The following SNX31 variants were observed in gnomAD, a reference collection of about 807,000 sequenced individuals.
SNX31 encodes sorting nexin-31.
SNX31 carries 58 observed loss-of-function variants against 65.4 expected under a neutral mutation model. The observed-to-expected ratio is 0.89, with a 90% CI of 0.72 to 1.10. SNX31 has a LOEUF of 1.10. Ranked by LOEUF, SNX31 falls within the 50% of genes least tolerant of loss-of-function variation. SNX31 has a pLI of 0.00. For synonymous variants in SNX31, 181 were observed against 190.1 expected, an observed-to-expected ratio of 0.95 and a Z score of 0.39; for missense variants, 523 against 529.7, an observed-to-expected ratio of 0.99 and a Z score of 0.12.
intron 2 of SNX31, among the ~76,000 whole-genome samples, chr8:100,647,056 C>T (rs951144523): frequency 6.6e-6 from 1 of 152,100 alleles, no homozygotes; most frequent in Non-Finnish European, 1.5e-5. Context: ...GTGTTTGGTA[C>T]CAAACTCAGC....
In SNX31 at chr8:100,614,045, T is replaced by A. The variant is rs755285504; in HGVS notation, c.433-960A>T. On this transcript the variant is annotated intron_variant, in intron 5 of 13. Transcript: ENST00000311812. The surrounding 1 kb of genome is among the most constrained non-coding windows in gnomAD (Gnocchi z 5.1). ...GGGGCCTTCTCTTGTCAGAGATACA[T>A]AAATTACCCCCAGGAAGCAGTCTGA... Among the ~76,000 whole-genome samples the A allele has an allele frequency of 1.3e-5, 2 of 152,162 alleles. No individual in the cohort carries two copies. The highest frequency in any genetic ancestry group is 1.5e-5 in the Non-Finnish European group (1 of 68,028).
intron 5 of SNX31, among the ~76,000 whole-genome samples, chr8:100,615,131 C>CCTCCAGT (rs1463900970): frequency 2.0e-5 from 3 of 152,198 alleles, no homozygotes; most frequent in African/African-American, 4.8e-5. Flanking sequence ...TAGGGTAGAA[C>CCTCCAGT]CTCCAGTTAA....
intron 5 of SNX31, among the ~76,000 whole-genome samples, chr8:100,617,052 G>A (rs2131076065): frequency 6.6e-6 from 1 of 152,268 alleles, no homozygotes; most frequent in East Asian, 1.9e-4. Flanking sequence ...AAAGGGGTCT[G>A]GGAGGCAGAG....
chr8:100,618,054 C>A, intron 4 of SNX31: 1 of 984,990 alleles, frequency 1.0e-6, no homozygotes, highest in Non-Finnish European at 1.2e-6. Context: ...GCCTGAGCCA[C>A]CACGCCCGGC....
At chr8:100,650,065 C>A (rs1014585557), upstream of SNX31, among the ~76,000 whole-genome samples, 7 of 47,574 alleles carry the variant, frequency 1.5e-4, no homozygotes, top group Admixed American at 5.2e-4. Context: ...TACCAGAAGC[C>A]CCCCCCAAAT....
intron 1 of SNX31, among the ~76,000 whole-genome samples, chr8:100,657,243 G>A (rs1398723059): frequency 4.6e-5 from 7 of 151,796 alleles, no homozygotes; most frequent in African/African-American, 1.5e-4. Flanking sequence ...ACCTGAGGTC[G>A]GGAGTTCAAG....
Position 100,636,000 on chromosome 8 carries a change from G to C in SNX31, c.153C>G (p.Val51=), listed in dbSNP as rs768544268. 2 of 1,613,830 alleles carry C rather than the reference G, an allele frequency of 1.2e-6. No individual in the cohort carries two copies. The highest frequency in any genetic ancestry group is 2.2e-5 in the East Asian group (1 of 44,884). Residue 51 remains valine (V), a synonymous_variant, in exon 3 of 14, where the codon GTC becomes GTG. Transcript: ENST00000311812. Reference sequence around the variant, plus strand: ...GGAAGGGTGGCAGGCAATTTCCAAAGACCCGCCTTAGCTGAAAGATCCAGG... The same window carrying C: ...GGAAGGGTGGCAGGCAATTTCCAAACACCCGCCTTAGCTGAAAGATCCAGG... ...LHGWNEQLRR[V]FGNCLPPFPP...
At chr8:100,650,852 T>TG (rs1819946507), upstream of SNX31, among the ~76,000 whole-genome samples, 2 of 146,656 alleles carry the variant, frequency 1.4e-5, no homozygotes, top group South Asian at 2.2e-4. Context: ...GTTTTTTTGT[T>TG]TTTTTTTTTT....
Position 100,574,332 on chromosome 8 carries a change from C to G in SNX31, c.1228-372G>C, listed in dbSNP as rs1812854805. 1.3e-5 allele frequency among the ~76,000 whole-genome samples: 2 copies of G among 152,272 alleles called. 1 individual carries two copies. Among genetic ancestry groups the G allele is most frequent in the South Asian group, 4.1e-4 (2 of 4,824 alleles). Reference sequence around the variant, plus strand: ...AGTGCACATTCCACACAAATACAAACTTTAAAAAAGAGGCTGGGCGGCCAG... The same window carrying G: ...AGTGCACATTCCACACAAATACAAAGTTTAAAAAAGAGGCTGGGCGGCCAG... On this transcript the variant is annotated intron_variant, in intron 13 of 13. Transcript: ENST00000311812.
chr8:100,644,791 A>C (rs1399166972), intron 2 of SNX31, among the ~76,000 whole-genome samples: 4 of 152,202 alleles, frequency 2.6e-5, no homozygotes, highest in Non-Finnish European at 5.9e-5. Context: ...CATTCTCCCA[A>C]GTAGCTGGGA....
chr8:100,655,398 C>T (rs1226952924), intron 1 of SNX31, among the ~76,000 whole-genome samples: 2 of 152,212 alleles, frequency 1.3e-5, no homozygotes, highest in African/African-American at 4.8e-5. Context: ...TCCCATAATT[C>T]TCACATGTTG....
At position 100,588,907 on chromosome 8, in the gene SNX31, C is replaced by T. The variant is rs1267569039; in HGVS notation, c.1051G>A (p.Glu351Lys). 11 of 1,614,082 alleles carry T rather than the reference C, an allele frequency of 6.8e-6. No individual in the cohort carries two copies. The South Asian group carries it at 7.7e-5, about 11-fold the overall frequency. Residue 351 changes from glutamate (E) to lysine (K), a missense_variant, in exon 11 of 14, where the codon GAG (glutamate) becomes AAG (lysine). Coordinates refer to ENST00000311812, the MANE Select transcript of SNX31 (RefSeq NM_152628.4). The surrounding 1 kb of genome is among the most constrained non-coding windows in gnomAD (Gnocchi z 4.8). The stretch of plus-strand genomic sequence containing the variant: ...ACAAACCACTGCCAGCAACTATCCT[C>T]ACTGTATTGAAATCTGAGCTCTAAG... ...QNLELRFQYS[E>K]DSCWQWFVIY...
intron 4 of SNX31, among the ~76,000 whole-genome samples, chr8:100,627,817 G>A (rs1417565050): frequency 1.3e-5 from 2 of 152,082 alleles, no homozygotes; most frequent in Non-Finnish European, 2.9e-5. Context: ...GATTACAGAC[G>A]TGAGCCACAG....
In SNX31 at chr8:100,626,625, T is replaced by C. The variant is rs1261938138; in HGVS notation, c.321+3702A>G. ...CCAGTACTATGTGTCAGCAAACAGC[T>C]AGCTCACAACAGCAGCCTGTTTCAA... On this transcript the variant is annotated intron_variant, in intron 4 of 13. Transcript: ENST00000311812. The surrounding 1 kb of genome is among the most constrained non-coding windows in gnomAD (Gnocchi z 4.4). Among the ~76,000 whole-genome samples the C allele has an allele frequency of 6.6e-6, 1 of 152,166 alleles. No homozygotes were observed. The highest frequency in any genetic ancestry group is 6.5e-5 in the Admixed American group (1 of 15,276).
rs1816793665 is a variant in SNX31, at chr8:100,612,411, C to T, written c.524-324G>A. Among the ~76,000 whole-genome samples the T allele has an allele frequency of 6.6e-6, 1 of 152,080 alleles. No homozygotes were observed. Among genetic ancestry groups the T allele is most frequent in the Non-Finnish European group, 1.5e-5 (1 of 68,024 alleles). On this transcript the variant is annotated intron_variant, in intron 6 of 13. Transcript: ENST00000311812. The surrounding 1 kb of genome is among the most constrained non-coding windows in gnomAD (Gnocchi z 4.3). ...ACCCTCTACACAAGCCCCTTAACTT[C>T]CAACTCAAAACCACCTCCCCTGGCT... is the stretch of plus-strand genomic sequence containing the variant.
chr8:100,641,565 A>AAAAAAT (rs1554587369), intron 2 of SNX31, among the ~76,000 whole-genome samples: 94 of 32,084 alleles, frequency 2.9e-3, no homozygotes, highest in Non-Finnish European at 4.0e-3. Context: ...AAAAAAAAAA[A>AAAAAAT]ATATATATAT....
At position 100,628,037 on chromosome 8, in the gene SNX31, G is replaced by A. The variant is rs553695735; in HGVS notation, c.321+2290C>T. Among the ~76,000 whole-genome samples, 5 of 152,212 alleles carry A rather than the reference G, an allele frequency of 3.3e-5. No homozygotes were observed. The East Asian group carries it at 9.6e-4, about 29-fold the overall frequency. ...GAGAAATGCAAATCAAAACCACAAA[G>A]AGATACCATTTCACACCAGTTAGAA... On this transcript the variant is annotated intron_variant, in intron 4 of 13. Transcript: ENST00000311812.
chr8:100,633,708 G>C (rs76915485), intron 3 of SNX31, among the ~76,000 whole-genome samples: 31,267 of 151,990 alleles, frequency 0.21, 3,694 homozygotes, highest in African/African-American at 0.31. Context: ...AGGTGTGTAA[G>C]ATTCAAGTGA....
intron 12 of SNX31, among the ~76,000 whole-genome samples, chr8:100,580,172 AAAAAAC>A (rs1196842303): frequency 2.6e-5 from 4 of 151,970 alleles, no homozygotes; most frequent in African/African-American, 9.7e-5. Context: ...AAAAAAAAAA[AAAAAAC>A]AGTCTTTTTA....
Sources: gnomAD v4.1 joint callset for allele counts (sites outside exome capture counted in the v4.1 genomes callset) on GRCh38, gnomAD v4.1.1 for gene constraint, Gnocchi (gnomAD v3.1) non-coding constraint, MANE v1.5 for transcripts, NCBI Gene and HGNC (gene_info 2026-07-23, HGNC 2026-07-21) for gene names.